UNC13C: variants seen among roughly 807,000 people sequenced by gnomAD.
UNC13C encodes protein unc-13 homolog C.
A neutral mutation model predicts 245.4 loss-of-function variants in UNC13C; 174 were observed. The observed-to-expected ratio is 0.71, with a 90% confidence interval of 0.63 to 0.80. UNC13C has a LOEUF of 0.80. Ranked by LOEUF, UNC13C falls within the 30% of genes least tolerant of loss-of-function variation. The pLI is 0.00. For missense variants in UNC13C, 2,829 were observed against 2,602.9 expected (o/e 1.09, Z -1.89); for synonymous variants, 992 against 895.1 (o/e 1.11, Z -1.93).
chr15:54,609,136 C>A (rs950727057), intron 30 of UNC13C, among the ~76,000 whole-genome samples: 1 of 152,188 alleles, frequency 6.6e-6, no homozygotes, highest in Non-Finnish European at 1.5e-5. Context: ...TTGTCCATAA[C>A]TAAGCTGATT....
intron 2 of UNC13C, among the ~76,000 whole-genome samples, chr15:54,059,787 G>A (rs1478631577): frequency 4.6e-5 from 7 of 152,106 alleles, no homozygotes; most frequent in Non-Finnish European, 2.9e-5. Flanking sequence ...CAATGGAACA[G>A]AACAGAGCCC....
At chr15:54,200,162 C>G in intron 4 of UNC13C, among the ~76,000 whole-genome samples, 1 of 152,016 alleles carries the variant, frequency 6.6e-6, no homozygotes, top group East Asian at 1.9e-4. Flanking sequence ...GCACCTAACA[C>G]TAGAACTCCC....
Position 54,321,935 on chromosome 15 carries a change from TCAGG to T in UNC13C, c.4269-1_4271del. The T allele has an allele frequency of 6.4e-7, 1 of 1,562,926 alleles. No individual in the cohort carries two copies. Among genetic ancestry groups the T allele is most frequent in the Non-Finnish European group, 8.7e-7 (1 of 1,153,138 alleles). ...AAAAACACTTTATGTTTTTTGTCTT[TCAGG>T]CACTTTTCATGTCTGTCTTCTAAAT... On this transcript the variant is annotated splice_acceptor_variant and splice_polypyrimidine_tract_variant and coding_sequence_variant and intron_variant, in exon 14 of 33. Transcript: ENST00000260323. LOFTEE classifies it high-confidence loss of function.
chr15:54,574,986 T>C (rs1282592194), intron 30 of UNC13C, among the ~76,000 whole-genome samples: 1 of 152,160 alleles, frequency 6.6e-6, no homozygotes, highest in Admixed American at 6.6e-5. Context: ...CTCACTCTTC[T>C]TTTTATTGGT....
intron 2 of UNC13C, among the ~76,000 whole-genome samples, chr15:54,019,703 T>A (rs551875181): frequency 6.6e-6 from 1 of 152,306 alleles, no homozygotes; most frequent in South Asian, 2.1e-4. Flanking sequence ...TTCTGAATGG[T>A]TATAAAACTG....
chr15:54,364,158 G>T (rs1341084567), intron 17 of UNC13C, among the ~76,000 whole-genome samples: 1 of 152,032 alleles, frequency 6.6e-6, no homozygotes, highest in Non-Finnish European at 1.5e-5. Flanking sequence ...AAAAAACAAT[G>T]AAATTCAATG....
intron 19 of UNC13C, among the ~76,000 whole-genome samples, chr15:54,426,267 A>G (rs1484598484): frequency 6.7e-6 from 1 of 150,272 alleles, no homozygotes. Flanking sequence ...AAAGTGTCAT[A>G]CAGGACTTGG....
At chr15:54,462,851 G>A (rs1051774728) in intron 19 of UNC13C, among the ~76,000 whole-genome samples, 4 of 152,152 alleles carry the variant, frequency 2.6e-5, no homozygotes, top group Admixed American at 6.5e-5. Flanking sequence ...TGTGGTGCTG[G>A]ACTGGCAGGC....
intron 2 of UNC13C, among the ~76,000 whole-genome samples, chr15:54,027,613 T>C (rs1459833972): frequency 1.3e-5 from 2 of 152,076 alleles, no homozygotes; most frequent in African/African-American, 4.8e-5. Flanking sequence ...TCAAATGATC[T>C]GCCTGCCTCT....
chr15:54,162,893 T>C (rs2033029549), intron 4 of UNC13C, among the ~76,000 whole-genome samples: 1 of 152,212 alleles, frequency 6.6e-6, no homozygotes, highest in African/African-American at 2.4e-5. Context: ...TATTGAATAA[T>C]GCAACATCAC....
intron 19 of UNC13C, among the ~76,000 whole-genome samples, chr15:54,415,502 C>T (rs1255694623): frequency 6.6e-6 from 1 of 152,080 alleles, no homozygotes; most frequent in African/African-American, 2.4e-5. Flanking sequence ...ACCCGAAACT[C>T]CACTCTGAAT....
At chr15:54,529,413 A>G (rs1895635072) in intron 25 of UNC13C, among the ~76,000 whole-genome samples, 1 of 152,212 alleles carries the variant, frequency 6.6e-6, no homozygotes, top group African/African-American at 2.4e-5. Context: ...AACTAGAAAA[A>G]TGAAATACTT....
chr15:54,378,020 C>A (rs956769743), intron 17 of UNC13C, among the ~76,000 whole-genome samples: 1 of 151,756 alleles, frequency 6.6e-6, no homozygotes, highest in East Asian at 1.9e-4. Flanking sequence ...TTTTTTGGTA[C>A]AGCATTCCCT....
At chr15:53,881,799 C>T in the UNC13C span, among the ~76,000 whole-genome samples, 1 of 152,132 alleles carries the variant, frequency 6.6e-6, no homozygotes, top group Non-Finnish European at 1.5e-5. Context: ...GTGGGATATT[C>T]CTACTTGCAC....
At chr15:54,235,347 T>C (rs2035664133) in intron 5 of UNC13C, among the ~76,000 whole-genome samples, 1 of 152,238 alleles carries the variant, frequency 6.6e-6, no homozygotes, top group South Asian at 2.1e-4. Context: ...TAAGTGACTA[T>C]GACCCTAATA....
At chr15:54,333,961 C>A in intron 16 of UNC13C, 105 bp downstream of exon 16, 1 of 758,714 alleles carries the variant, frequency 1.3e-6, no homozygotes, top group Non-Finnish European at 2.2e-6. Context: ...TGTGTTAACT[C>A]CATCGATTAA....
In UNC13C at chr15:54,013,777, C is replaced by A; in HGVS notation, c.874C>A (p.Arg292Ser). ...EVVQSEIEQL[R>S]TGFVQSRRET... ...TGTACAAAGTGAAATTGAGCAGTTG[C>A]GCACAGGGTTTGTCCAGTCTCGGAG... The change falls in exon 2 of 33, where the codon CGC (arginine) becomes AGC (serine). Residue 292 changes from arginine to serine, a missense_variant. By Grantham distance (110) the Arg-to-Ser change is moderately radical. Coordinates refer to ENST00000260323, the MANE Select transcript of UNC13C (RefSeq NM_001080534.3). 3 of 1,610,454 alleles carry A rather than the reference C, an allele frequency of 1.9e-6. No homozygotes were observed. Among genetic ancestry groups the A allele is most frequent in the Non-Finnish European group, 2.5e-6 (3 of 1,178,370 alleles).
intron 1 of UNC13C, among the ~76,000 whole-genome samples, chr15:53,994,717 A>G (rs763393452): frequency 9.9e-5 from 15 of 152,202 alleles, no homozygotes; most frequent in Non-Finnish European, 2.1e-4. Context: ...GTCAATAGTC[A>G]AGTGTAAATC....
intron 4 of UNC13C, among the ~76,000 whole-genome samples, chr15:54,146,966 A>G (rs2032286608): frequency 6.6e-6 from 1 of 152,108 alleles, no homozygotes; most frequent in South Asian, 2.1e-4. Flanking sequence ...ATGCAGAGGA[A>G]AGTTTGCTTA....
Sources: allele counts gnomAD v4.1 joint callset (sites outside exome capture counted in the v4.1 genomes callset), GRCh38; gene constraint gnomAD v4.1.1; transcripts MANE v1.5; gene names NCBI Gene and HGNC (gene_info 2026-07-23, HGNC 2026-07-21).